Variants in ITFG2 observed in about 807,000 individuals in gnomAD.
The protein encoded by ITFG2 is integrin alpha FG-GAP repeat containing 2, also known as KICSTOR complex protein ITFG2.
ITFG2 carries 36 observed loss-of-function variants against 54.4 expected under a neutral mutation model. The ratio of observed to expected loss-of-function variants is 0.66; its 90% CI spans 0.51 to 0.87. The LOEUF (loss-of-function observed/expected upper bound fraction) is 0.87, where lower values mean the gene tolerates loss of function less well. Among genes scored for constraint, ITFG2 ranks in the 40% least tolerant of loss-of-function variants. The pLI is 0.00. For synonymous variants in ITFG2, 211 were observed against 225.4 expected (o/e 0.94, Z 0.57); for missense variants, 524 against 576.7 (o/e 0.91, Z 0.94).
chr12:2,826,211 A>G (rs2097966138), downstream of ITFG2: 2 of 152,144 alleles, frequency 1.3e-5, no homozygotes, highest in South Asian at 4.1e-4. Context: ...CTTTAAAAAA[A>G]AAAAAAAAGC....
At chr12:2,839,720 C>A (rs969820030) in intron 1 of ITFG2, among the ~76,000 whole-genome samples, 4 of 152,044 alleles carry the variant, frequency 2.6e-5, no homozygotes, top group Non-Finnish European at 5.9e-5. Flanking sequence ...AAATTTATAA[C>A]CTCAGGTGGT....
At chr12:2,858,898 T>C in intron 3 of ITFG2, 1 of 1,613,846 alleles carries the variant, frequency 6.2e-7, no homozygotes, top group Non-Finnish European at 8.5e-7. Context: ...GGTTCTGAAC[T>C]GAGGAGCCTT....
chr12:2,819,102 G>A (rs973858142), intron 4 of ITFG2, among the ~76,000 whole-genome samples: 2 of 152,096 alleles, frequency 1.3e-5, no homozygotes, highest in Non-Finnish European at 2.9e-5. Flanking sequence ...GCTAAGGCAG[G>A]CGGATCCCTT....
downstream of ITFG2, chr12:2,827,890 G>A (rs1188433599): frequency 2.5e-6 from 4 of 1,613,276 alleles, no homozygotes; most frequent in Non-Finnish European, 2.5e-6. The surrounding 1 kb of genome is among the most constrained non-coding windows in gnomAD (Gnocchi z 4.0). Flanking sequence ...GAAAGGTGAG[G>A]TGAGCACCAG....
At chr12:2,826,969 A>G (rs896906264), downstream of ITFG2, 1 of 1,345,342 alleles carries the variant, frequency 7.4e-7, no homozygotes, top group Non-Finnish European at 9.5e-7. Context: ...AGGAAGATGA[A>G]TCAGAATCCT....
downstream of ITFG2, chr12:2,827,301 T>C (rs2097972813): frequency 6.2e-7 from 1 of 1,613,004 alleles, no homozygotes; most frequent in Non-Finnish European, 8.5e-7. The surrounding 1 kb of genome is among the most constrained non-coding windows in gnomAD (Gnocchi z 4.0). Context: ...GATGCAGCAC[T>C]GCGGGGTGTA....
chr12:2,819,824 G>A (rs1028012051), intron 4 of ITFG2: 5 of 307,080 alleles, frequency 1.6e-5, no homozygotes, highest in South Asian at 1.1e-4. Context: ...TGGGAGATAC[G>A]TGGGATGAAT....
downstream of ITFG2, among the ~76,000 whole-genome samples, chr12:2,831,497 T>A (rs1011081232): frequency 3.9e-5 from 6 of 151,982 alleles, no homozygotes; most frequent in East Asian, 9.7e-4. Flanking sequence ...AGTGTGATAG[T>A]CACCTGAACC....
chr12:2,817,573 C>A, intron 2 of ITFG2: 2 of 522,438 alleles, frequency 3.8e-6, no homozygotes, highest in Admixed American at 3.4e-5. Flanking sequence ...ATGGAAGTTG[C>A]CTAAGGTTGT....
intron 2 of ITFG2, among the ~76,000 whole-genome samples, chr12:2,843,040 T>C (rs993742173): frequency 1.3e-5 from 2 of 152,186 alleles, no homozygotes; most frequent in Admixed American, 1.3e-4. Flanking sequence ...TTCTTGTCTC[T>C]GCTGGTGGGG....
At chr12:2,828,000 C>T, downstream of ITFG2, 3 of 1,614,194 alleles carry the variant, frequency 1.9e-6, no homozygotes, top group Non-Finnish European at 1.7e-6. This position sits in a 1 kb window ranked among gnomAD's most constrained non-coding sequence, Gnocchi z 4.0. Flanking sequence ...GGTTGGGGGC[C>T]CAGGGGCCAG....
chr12:2,849,588 A>G lies in ITFG2; in HGVS notation n.301-8424A>G, dbSNP rs77053891. The G allele has an allele frequency of 3.2e-3, 4,887 of 1,518,252 alleles. 16 individuals are homozygous for G. Among genetic ancestry groups the G allele is most frequent in the Non-Finnish European group, 4.0e-3 (4,485 of 1,133,428 alleles). The allele number at this position is 1,518,252 out of a possible 1,614,324, so 94.0% of individuals were successfully genotyped here. A position where few individuals can be genotyped will look rare whatever the true frequency, so the allele number is the denominator to read the frequency against. ...AAGAAGAGATCCAGGGACAGTGGAG[A>G]GACGGGGAAGGGGAAGGGTGATGCC... is the stretch of plus-strand genomic sequence containing the variant. On this transcript the variant is annotated intron_variant and non_coding_transcript_variant, in intron 2 of 3. Transcript: ENST00000537710.
chr12:2,816,797 A>G (rs1321928740), intron 1 of ITFG2, among the ~76,000 whole-genome samples: 1 of 151,562 alleles, frequency 6.6e-6, no homozygotes, highest in Non-Finnish European at 1.5e-5. Context: ...ATGCACCACT[A>G]TGCTTGGGTA....
At chr12:2,835,156 CGTATGTGTGT>C (rs2098022549), upstream of ITFG2, 1 of 1,299,412 alleles carries the variant, frequency 7.7e-7, no homozygotes, top group African/African-American at 2.2e-5. Flanking sequence ...GTGGATGGGG[CGTATGTGTGT>C]GTGTGTGTGT....
rs2153927622 is a variant in ITFG2, at chr12:2,845,996, C to G, written n.300+5001C>G. ...GGACTACAGGTGCACACCACTGCAC[C>G]TGCCTGGCTGGGGGTTGCCTCGTTA... On this transcript the variant is annotated intron_variant and non_coding_transcript_variant, in intron 2 of 3. Transcript: ENST00000537710. The surrounding 1 kb of genome is among the most constrained non-coding windows in gnomAD (Gnocchi z 4.2). Among the ~76,000 whole-genome samples the G allele has an allele frequency of 6.6e-6, 1 of 152,316 alleles. No individual in the cohort carries two copies. Among genetic ancestry groups the G allele is most frequent in the Admixed American group, 6.5e-5 (1 of 15,298 alleles).
chr12:2,842,963 GC>G (rs146122311), intron 2 of ITFG2, among the ~76,000 whole-genome samples: 1,712 of 152,138 alleles, frequency 0.011, 23 homozygotes, highest in African/African-American at 0.04. Flanking sequence ...CCTTGTCATA[GC>G]CGTTCATGCC....
intron 9 of ITFG2, 71 bp downstream of exon 9, chr12:2,821,863 C>G (rs551350726): frequency 8.7e-6 from 10 of 1,144,030 alleles, no homozygotes; most frequent in Non-Finnish European, 1.3e-5. Flanking sequence ...TTGGAATAAT[C>G]AGGCTATTCT....
intron 9 of ITFG2, among the ~76,000 whole-genome samples, chr12:2,822,152 G>A (rs2097947560): frequency 6.6e-6 from 1 of 151,966 alleles, no homozygotes. Flanking sequence ...AAACTCCTGG[G>A]CTCAAGCAAT....
chr12:2,819,078 G>A (rs1173721006), intron 4 of ITFG2, among the ~76,000 whole-genome samples: 1 of 151,722 alleles, frequency 6.6e-6, no homozygotes, highest in Non-Finnish European at 1.5e-5. Flanking sequence ...AGCACTTCGA[G>A]AGCACTTTGA....
Sources: allele counts gnomAD v4.1 joint callset (sites outside exome capture counted in the v4.1 genomes callset), GRCh38; gene constraint gnomAD v4.1.1; non-coding constraint Gnocchi (gnomAD v3.1); transcripts MANE v1.5; gene names NCBI Gene and HGNC (gene_info 2026-07-23, HGNC 2026-07-21).